CNTN1: variants seen among roughly 807,000 people sequenced by gnomAD.
CNTN1 encodes contactin-1.
In CNTN1, 38 loss-of-function variants were observed where a neutral mutation model predicts 126.4. The ratio of observed to expected loss-of-function variants is 0.30; its 90% confidence interval spans 0.23 to 0.39. CNTN1 has a LOEUF of 0.39. Ranked by LOEUF, CNTN1 falls within the 10% of genes least tolerant of loss-of-function variation. The pLI, the probability that CNTN1 is intolerant of heterozygous loss-of-function variation, is 1.00. For synonymous variants in CNTN1, 413 were observed against 422.6 expected (o/e 0.98, Z 0.28); for missense variants, 1,009 against 1,248.4 (o/e 0.81, Z 2.89).
At chr12:41,012,903 C>A (rs560034586) in intron 17 of CNTN1, among the ~76,000 whole-genome samples, 3 of 152,136 alleles carry the variant, frequency 2.0e-5, no homozygotes, top group African/African-American at 7.2e-5. Context: ...GGGGTATATA[C>A]CCTGGGATTC....
chr12:40,881,404 T>C (rs4427615), intron 1 of CNTN1, among the ~76,000 whole-genome samples: 104,587 of 151,604 alleles, frequency 0.69, 36,771 homozygotes, highest in African/African-American at 0.84. Context: ...TGTCTATTAG[T>C]TTATCCAATA....
chr12:40,775,321 ATAATG>A (rs1403646109), intron 1 of CNTN1, among the ~76,000 whole-genome samples: 5 of 151,478 alleles, frequency 3.3e-5, no homozygotes, highest in Admixed American at 6.6e-5. Flanking sequence ...TGAATTATAT[ATAATG>A]TAATGTATAT....
At chr12:40,741,309 G>C (rs1937934679) in intron 1 of CNTN1, among the ~76,000 whole-genome samples, 1 of 151,956 alleles carries the variant, frequency 6.6e-6, no homozygotes, top group African/African-American at 2.4e-5. Flanking sequence ...TTTGATATCA[G>C]TTAAATGTAG....
chr12:40,795,908 G>A (rs1940409588), intron 1 of CNTN1, among the ~76,000 whole-genome samples: 1 of 151,996 alleles, frequency 6.6e-6, no homozygotes. Context: ...TTCCTATGAG[G>A]TGGATATTTT....
intron 23 of CNTN1, chr12:41,061,765 G>A (rs1462142028): frequency 8.8e-6 from 4 of 455,398 alleles, no homozygotes; most frequent in East Asian, 7.0e-5. Flanking sequence ...TTTACAGAAG[G>A]AAAATCCACA....
intron 1 of CNTN1, among the ~76,000 whole-genome samples, chr12:40,701,904 T>G (rs1406366727): frequency 6.6e-6 from 1 of 152,160 alleles, no homozygotes; most frequent in African/African-American, 2.4e-5. Flanking sequence ...AACAAAGTAT[T>G]CATACTATGA....
In CNTN1 at chr12:40,929,791, C is replaced by T. The variant is rs1298720989; in HGVS notation, c.497-5C>T. On this transcript the variant is annotated splice_polypyrimidine_tract_variant and splice_region_variant and intron_variant, in intron 6 of 23. Coordinates refer to ENST00000551295, the MANE Select transcript of CNTN1 (RefSeq NM_001843.4). ...TAATATTTAGAAGGCAATATTTTCT[C>T]CTAGATGATCTTAGCTATCGCTGGC... The T allele has an allele frequency of 2.5e-6, 4 of 1,607,530 alleles. No individual in the cohort carries two copies. The highest frequency in any genetic ancestry group is 1.3e-5 in the African/African-American group (1 of 74,714).
At chr12:40,754,637 C>G (rs115233693) in intron 1 of CNTN1, among the ~76,000 whole-genome samples, 3,232 of 152,044 alleles carry the variant, frequency 0.021, 115 homozygotes, top group African/African-American at 0.074. Context: ...TTTGAGCAAT[C>G]ATTTCTAACA....
chr12:40,720,933 AAAAAC>A (rs1034684980), intron 1 of CNTN1, among the ~76,000 whole-genome samples: 2 of 139,968 alleles, frequency 1.4e-5, no homozygotes, highest in African/African-American at 5.4e-5. Flanking sequence ...TCTGTCTCAA[AAAAAC>A]AAAAAAAGAG....
chr12:40,958,085 A>G (rs1946957044), intron 14 of CNTN1, among the ~76,000 whole-genome samples: 1 of 152,064 alleles, frequency 6.6e-6, no homozygotes, highest in Admixed American at 6.6e-5. Context: ...TTAAAAATTG[A>G]GTTTTCCAAG....
chr12:40,765,807 TCTC>T (rs200956476), intron 1 of CNTN1, among the ~76,000 whole-genome samples: 3,521 of 152,258 alleles, frequency 0.023, 63 homozygotes, highest in African/African-American at 0.05. Context: ...CATTTATCAA[TCTC>T]CTGCTGTATA....
intron 1 of CNTN1, among the ~76,000 whole-genome samples, chr12:40,709,748 C>A (rs1259102611): frequency 6.6e-6 from 1 of 152,150 alleles, no homozygotes; most frequent in Non-Finnish European, 1.5e-5. Flanking sequence ...ACCTCATGAA[C>A]CAACCTCTGC....
At chr12:40,825,644 G>A (rs959138961) in intron 1 of CNTN1, among the ~76,000 whole-genome samples, 1 of 152,032 alleles carries the variant, frequency 6.6e-6, no homozygotes, top group East Asian at 1.9e-4. Context: ...TCTTTATTAC[G>A]ACCTTGTCTT....
intron 1 of CNTN1, among the ~76,000 whole-genome samples, chr12:40,814,079 A>T: frequency 6.6e-6 from 1 of 152,004 alleles, no homozygotes; most frequent in Middle Eastern, 3.2e-3. Context: ...TAAGTTCCCT[A>T]TAAATTCTGG....
intron 1 of CNTN1, among the ~76,000 whole-genome samples, chr12:40,817,564 C>A (rs2136519482): frequency 7.5e-6 from 1 of 133,756 alleles, no homozygotes; most frequent in African/African-American, 2.8e-5. Context: ...TGTGTCTTTG[C>A]ATGTAAGATG....
chr12:40,909,956 A>G (rs1944968664), intron 2 of CNTN1, 117 bp from the exon 3 acceptor site: 4 of 747,282 alleles, frequency 5.4e-6, no homozygotes, highest in Non-Finnish European at 9.5e-6. Flanking sequence ...CAACCTTTAT[A>G]GTAAAGGGCC....
In CNTN1 at chr12:40,746,819, G is replaced by A. The variant is rs115655845; in HGVS notation, c.-77+54227G>A. 3.2e-3 allele frequency among the ~76,000 whole-genome samples: 485 copies of A among 152,198 alleles called. 5 individuals carry two copies. Among genetic ancestry groups the A allele is most frequent in the African/African-American group, 0.011 (459 of 41,542 alleles). ...AGTTAAACTCTGCCATTTTGCCTCT[G>A]AAGTGTGCATGCTTGAGCCCACTCA... On this transcript the variant is annotated intron_variant, in intron 1 of 23. Coordinates refer to ENST00000551295, the MANE Select transcript of CNTN1 (RefSeq NM_001843.4).
At chr12:40,830,695 A>C (rs965444725) in intron 1 of CNTN1, among the ~76,000 whole-genome samples, 31 of 147,946 alleles carry the variant, frequency 2.1e-4, no homozygotes, top group African/African-American at 7.4e-4. Context: ...ATAGGGAATA[A>C]ATACTGATAG....
chr12:40,951,715 T>TAAAAAAAA (rs71078286), intron 14 of CNTN1, among the ~76,000 whole-genome samples: 114 of 109,434 alleles, frequency 1.0e-3, no homozygotes, highest in Non-Finnish European at 1.5e-3. Context: ...TCTCAAAATT[T>TAAAAAAAA]AAAAAAAAAA....
Sources: allele counts gnomAD v4.1 joint callset (sites outside exome capture counted in the v4.1 genomes callset), GRCh38; gene constraint gnomAD v4.1.1; transcripts MANE v1.5; gene names NCBI Gene and HGNC (gene_info 2026-07-23, HGNC 2026-07-21).